The following PRR5L variants were observed in gnomAD, a reference collection of about 807,000 sequenced individuals.
The protein encoded by PRR5L is proline rich 5 like.
Under a neutral mutation model 36.4 loss-of-function variants are expected in PRR5L, and 21 were observed. The observed-to-expected ratio is 0.58, with a 90% CI of 0.41 to 0.83. The LOEUF is 0.83. PRR5L is among the 40% of genes least tolerant of loss of function. PRR5L has a pLI of 0.00. For missense variants in PRR5L, 381 were observed against 473.3 expected (o/e 0.80, Z 1.81); for synonymous variants, 188 against 197.0 (o/e 0.95, Z 0.38).
At chr11:36,350,774 G>A (rs762384579) in intron 1 of PRR5L, among the ~76,000 whole-genome samples, 8 of 150,620 alleles carry the variant, frequency 5.3e-5, no homozygotes, top group Non-Finnish European at 1.0e-4. Context: ...CCACTTATGA[G>A]TGAGAACATA....
intron 7 of PRR5L, among the ~76,000 whole-genome samples, chr11:36,448,201 A>G (rs1564952485): frequency 6.6e-6 from 1 of 152,096 alleles, no homozygotes; most frequent in Non-Finnish European, 1.5e-5. Flanking sequence ...GAAAGCTGTC[A>G]TCATACCCCT....
chr11:36,439,711 C>T (rs1440928573), intron 6 of PRR5L, among the ~76,000 whole-genome samples: 1 of 152,174 alleles, frequency 6.6e-6, no homozygotes, highest in African/African-American at 2.4e-5. Context: ...ATAGCATACC[C>T]TGAAAAAGGC....
At chr11:36,356,426 G>A (rs909816823) in intron 1 of PRR5L, among the ~76,000 whole-genome samples, 16 of 152,264 alleles carry the variant, frequency 1.1e-4, no homozygotes, top group African/African-American at 3.9e-4. Context: ...TGAGGGAAGT[G>A]AGAAAAGGGA....
At chr11:36,380,558 C>T (rs549200218) in intron 1 of PRR5L, 6 of 151,972 alleles carry the variant, frequency 3.9e-5, no homozygotes, top group South Asian at 2.1e-4. Context: ...ATTTCATGTA[C>T]GGGAGAGAGA....
intron 1 of PRR5L, among the ~76,000 whole-genome samples, chr11:36,335,501 T>C (rs953908485): frequency 7.2e-5 from 11 of 152,182 alleles, no homozygotes; most frequent in Non-Finnish European, 1.6e-4. Context: ...CCTGTTTTCC[T>C]ATAAGGGAAA....
chr11:36,376,647 G>A (rs772361163), intron 1 of PRR5L: 124 of 995,462 alleles, frequency 1.2e-4, no homozygotes, highest in Non-Finnish European at 1.4e-4. Context: ...AGTCTGGGGC[G>A]GAGGCGAGCG....
Position 36,351,537 on chromosome 11 carries a change from A to ATTTT in PRR5L, c.-125-49459_-125-49458insTTTT, listed in dbSNP as rs1491218588. 8.1e-3 allele frequency among the ~76,000 whole-genome samples: 31 copies of ATTTT among 3,838 alleles called. 6 individuals carry two copies. Among genetic ancestry groups the ATTTT allele is most frequent in the African/African-American group, 0.035 (31 of 880 alleles). 2.5% of individuals were successfully genotyped at this position (3,838 alleles called of 152,430 possible). A position where few individuals can be genotyped will look rare whatever the true frequency, so the allele number is the denominator to read the frequency against. On this transcript the variant is annotated intron_variant, in intron 1 of 8. Transcript: ENST00000530639. ...TATATATATTTATATATTTATATAA[A>ATTTT]TATATATTTATATATATTTATATAT...
At chr11:36,369,881 A>C (rs1857181154) in intron 1 of PRR5L, among the ~76,000 whole-genome samples, 2 of 152,296 alleles carry the variant, frequency 1.3e-5, no homozygotes, top group African/African-American at 4.8e-5. Flanking sequence ...ACAGGCATGA[A>C]CCACCATGCC....
chr11:36,341,303 T>C (rs560610658), intron 1 of PRR5L, among the ~76,000 whole-genome samples: 1 of 152,274 alleles, frequency 6.6e-6, no homozygotes, highest in African/African-American at 2.4e-5. Context: ...AGAATTTCAT[T>C]TGAAAGCTTC....
intron 1 of PRR5L, among the ~76,000 whole-genome samples, chr11:36,371,453 AT>A (rs1481386326): frequency 1.3e-5 from 2 of 152,228 alleles, no homozygotes; most frequent in Admixed American, 6.5e-5. Context: ...ACATTAACTC[AT>A]TTTATTACCT....
intron 1 of PRR5L, among the ~76,000 whole-genome samples, chr11:36,397,327 G>A (rs1857683666): frequency 6.6e-6 from 1 of 151,554 alleles, no homozygotes; most frequent in Non-Finnish European, 1.5e-5. Context: ...GCCTCCCAAA[G>A]TGCTGGGACT....
chr11:36,452,976 A>C lies in PRR5L; in HGVS notation c.712+1641A>C, dbSNP rs185228415. 5.3e-5 allele frequency among the ~76,000 whole-genome samples: 8 copies of C among 152,344 alleles called. No individual in the cohort carries two copies. In the East Asian group the frequency reaches 1.5e-3, roughly 29 times the overall value. On this transcript the variant is annotated intron_variant, in intron 8 of 8. Transcript: ENST00000530639. ...TCCAGCTTATATAGCATCTTCAACA[A>C]CAAAAAATAAATTTCTAGAGAAGTG...
intron 1 of PRR5L, among the ~76,000 whole-genome samples, chr11:36,304,896 G>C (rs898768794): frequency 1.3e-5 from 2 of 152,098 alleles, no homozygotes; most frequent in African/African-American, 4.8e-5. Context: ...AGAAGATGTG[G>C]AGAAATTGGA....
At chr11:36,358,788 C>G (rs1857054865) in intron 1 of PRR5L, among the ~76,000 whole-genome samples, 1 of 151,808 alleles carries the variant, frequency 6.6e-6, no homozygotes, top group Admixed American at 6.6e-5. Flanking sequence ...GATAAATACA[C>G]AATGGAAGTA....
chr11:36,382,252 T>C (rs936092815), intron 1 of PRR5L, among the ~76,000 whole-genome samples: 15 of 152,288 alleles, frequency 9.8e-5, no homozygotes, highest in Admixed American at 5.2e-4. Context: ...ACGGGCATCA[T>C]GGAGATAACA....
At chr11:36,312,121 G>A (rs556568968) in intron 1 of PRR5L, among the ~76,000 whole-genome samples, 58 of 152,282 alleles carry the variant, frequency 3.8e-4, no homozygotes, top group African/African-American at 7.9e-4. Context: ...AGGTGGGAGC[G>A]TGGGTGGCAG....
chr11:36,344,658 G>A lies in PRR5L; in HGVS notation c.-126+48220G>A, dbSNP rs1856847490. On this transcript the variant is annotated intron_variant, in intron 1 of 8. Transcript: ENST00000530639. The surrounding 1 kb of genome is among the most constrained non-coding windows in gnomAD (Gnocchi z 4.1). ...AAGAACAGTTTAATGGACATTATGA[G>A]GCATTAGAATGCAAAAAGTGCACTC... Among the ~76,000 whole-genome samples, 1 of 152,056 alleles carries A rather than the reference G, an allele frequency of 6.6e-6. No individual in the cohort carries two copies. The highest frequency in any genetic ancestry group is 1.5e-5 in the Non-Finnish European group (1 of 68,020).
At chr11:36,380,374 T>C (rs980896528) in intron 1 of PRR5L, 4 of 152,182 alleles carry the variant, frequency 2.6e-5, no homozygotes, top group African/African-American at 9.7e-5. Flanking sequence ...TCCCTCCCGA[T>C]GCCTTCTGCT....
chr11:36,376,128 G>C, intron 1 of PRR5L: 1 of 1,304,226 alleles, frequency 7.7e-7, no homozygotes, highest in Non-Finnish European at 1.0e-6. Flanking sequence ...AAGTCAAAAA[G>C]CTTGGATTTC....
Sources: gnomAD v4.1 joint callset for allele counts (sites outside exome capture counted in the v4.1 genomes callset) on GRCh38, gnomAD v4.1.1 for gene constraint, Gnocchi (gnomAD v3.1) non-coding constraint, MANE v1.5 for transcripts, NCBI Gene and HGNC (gene_info 2026-07-23, HGNC 2026-07-21) for gene names.